PRKCZ: variants seen among roughly 807,000 people sequenced by gnomAD.
The protein encoded by PRKCZ is protein kinase C zeta type.
A neutral mutation model predicts 79.5 loss-of-function variants in PRKCZ; 33 were observed. The observed-to-expected ratio is 0.41, with a 90% confidence interval of 0.31 to 0.55. The LOEUF (loss-of-function observed/expected upper bound fraction) is 0.55, where lower values mean the gene tolerates loss of function less well. Ranked by LOEUF, PRKCZ falls within the 20% of genes least tolerant of loss-of-function variation. The probability of loss-of-function intolerance (pLI) is 0.19; values close to 1 mark genes in which losing one functional copy is unlikely to be tolerated. For synonymous variants in PRKCZ, 342 were observed against 320.9 expected, an observed-to-expected ratio of 1.07 and a Z score of -0.70; for missense variants, 578 against 813.5, an observed-to-expected ratio of 0.71 and a Z score of 3.52.
chr1:2,101,812 G>T (rs1667483655), intron 4 of PRKCZ, among the ~76,000 whole-genome samples: 1 of 152,210 alleles, frequency 6.6e-6, no homozygotes, highest in South Asian at 2.1e-4. Flanking sequence ...AGGCGTAGTG[G>T]ATGCGTGATC....
At chr1:2,056,056 G>A (rs551662977) in intron 2 of PRKCZ, among the ~76,000 whole-genome samples, 1 of 152,346 alleles carries the variant, frequency 6.6e-6, no homozygotes, top group Admixed American at 6.5e-5. Flanking sequence ...CTTGGCCAAG[G>A]ACACGGCCGT....
intron 4 of PRKCZ, among the ~76,000 whole-genome samples, chr1:2,089,216 G>A (rs1025659024): frequency 4.1e-5 from 5 of 122,610 alleles, no homozygotes; most frequent in African/African-American, 8.8e-5. Flanking sequence ...GAGTTCGGCC[G>A]GGCGATGGCA....
intron 16 of PRKCZ, among the ~76,000 whole-genome samples, chr1:2,176,715 CCT>C (rs896980965): frequency 3.3e-5 from 5 of 152,200 alleles, no homozygotes; most frequent in Admixed American, 3.3e-4. Context: ...CTCCCTGGCC[CCT>C]GTGGTCAGTG....
At chr1:2,071,229 CAG>C (rs1174509318) in intron 4 of PRKCZ, 7 of 276,512 alleles carry the variant, frequency 2.5e-5, no homozygotes, top group Non-Finnish European at 4.5e-5. Context: ...TGAGGCTCGA[CAG>C]GGTTTAGAGG....
chr1:2,167,111 A>G (rs758622108), intron 10 of PRKCZ, among the ~76,000 whole-genome samples: 10 of 152,224 alleles, frequency 6.6e-5, no homozygotes, highest in Non-Finnish European at 1.2e-4. Flanking sequence ...TCTGTAGACA[A>G]AAAAACCCCA....
chr1:2,080,880 T>C (rs1663366552), intron 4 of PRKCZ, among the ~76,000 whole-genome samples: 1 of 152,174 alleles, frequency 6.6e-6, no homozygotes, highest in South Asian at 2.1e-4. Flanking sequence ...AGGTGTTTTG[T>C]GGGACAGCCC....
chr1:2,096,722 G>A (rs1262458503), intron 4 of PRKCZ, among the ~76,000 whole-genome samples: 1 of 152,114 alleles, frequency 6.6e-6, no homozygotes, highest in Non-Finnish European at 1.5e-5. Flanking sequence ...TCAGGGTCTG[G>A]GTTGCTCGTT....
chr1:2,085,808 A>T (rs1051691329), intron 4 of PRKCZ, among the ~76,000 whole-genome samples: 1 of 151,858 alleles, frequency 6.6e-6, no homozygotes, highest in African/African-American at 2.4e-5. Flanking sequence ...GGAGGGGCTG[A>T]GGATATGGGG....
chr1:2,089,845 T>A (rs2490556), intron 4 of PRKCZ, among the ~76,000 whole-genome samples: 70,845 of 151,658 alleles, frequency 0.47, 19,493 homozygotes, highest in East Asian at 0.83. Flanking sequence ...TGGGAGGACC[T>A]CTTGAGTGCA....
chr1:2,131,634 T>TA (rs1439534626), intron 4 of PRKCZ, among the ~76,000 whole-genome samples: 1 of 152,168 alleles, frequency 6.6e-6, no homozygotes, highest in African/African-American at 2.4e-5. Context: ...TAAAGCGTGG[T>TA]AATCGATGGA....
intron 4 of PRKCZ, among the ~76,000 whole-genome samples, chr1:2,126,221 G>A (rs1386011065): frequency 6.6e-6 from 1 of 152,190 alleles, no homozygotes; most frequent in Non-Finnish European, 1.5e-5. Context: ...TTTCTTCAGT[G>A]AACAAAGCTC....
intron 4 of PRKCZ, among the ~76,000 whole-genome samples, chr1:2,120,424 C>T (rs1408285068): frequency 1.3e-4 from 19 of 150,890 alleles, no homozygotes; most frequent in Admixed American, 6.0e-4. Context: ...CTCAGCGTCC[C>T]GAGTAGCTGG....
intron 4 of PRKCZ, among the ~76,000 whole-genome samples, chr1:2,106,946 C>T (rs1051534371): frequency 6.6e-6 from 1 of 152,250 alleles, no homozygotes; most frequent in Non-Finnish European, 1.5e-5. Flanking sequence ...CACGTGTCTC[C>T]AGAGGCCAAA....
At chr1:2,074,338 T>A in intron 4 of PRKCZ, 1 of 1,544,612 alleles carries the variant, frequency 6.5e-7, no homozygotes, top group Non-Finnish European at 8.7e-7. Flanking sequence ...GCCGGGGGGC[T>A]TGGGGAAATC....
intron 4 of PRKCZ, chr1:2,073,859 A>T: frequency 9.4e-7 from 1 of 1,063,648 alleles, no homozygotes; most frequent in Non-Finnish European, 1.1e-6. Flanking sequence ...GGGAAGGAAG[A>T]TGCCTCCCTG....
chr1:2,169,856 G>A (rs1358576166), intron 11 of PRKCZ, among the ~76,000 whole-genome samples: 1 of 151,686 alleles, frequency 6.6e-6, no homozygotes, highest in Non-Finnish European at 1.5e-5. Context: ...TCAGCAGGGA[G>A]CTCAAGGGAG....
Position 2,185,046 on chromosome 1 carries a change from A to T in PRKCZ, c.*37A>T. ...TCTCTGTCGTGGACACGCGTGATTG[A>T]CCCTTTAACTGTATCCTTAACCACC... On this transcript the variant is annotated 3_prime_UTR_variant, in exon 18 of 18. Coordinates refer to ENST00000378567, the MANE Select transcript of PRKCZ (RefSeq NM_002744.6). 1.3e-6 allele frequency: 2 copies of T among 1,554,872 alleles called. No homozygotes were observed. Among genetic ancestry groups the T allele is most frequent in the Non-Finnish European group, 1.8e-6 (2 of 1,136,516 alleles).
In PRKCZ at chr1:2,055,460, G is replaced by A. The variant is rs755481329; in HGVS notation, c.91G>A (p.Val31Met). The A allele has an allele frequency of 1.9e-5, 31 of 1,613,520 alleles. No individual in the cohort carries two copies. The highest frequency in any genetic ancestry group is 1.1e-4 in the South Asian group (10 of 91,014). ...CCCCAGGGACATCTTCATCACCAGC[G>A]TGGACGCCGCCACGACCTTCGAGGA... ...HYGGDIFITS[V>M]DAATTFEELC... Residue 31 changes from valine (V) to methionine (M), a missense_variant, in exon 2 of 18, where the codon GTG (valine) becomes ATG (methionine). Coordinates refer to ENST00000378567, the MANE Select transcript of PRKCZ (RefSeq NM_002744.6).
chr1:2,146,161 C>G (rs910787643), intron 7 of PRKCZ, 53 bp downstream of exon 7: 2 of 1,517,432 alleles, frequency 1.3e-6, no homozygotes, highest in African/African-American at 2.7e-5. Context: ...CCTCACCCTG[C>G]TCACCTCTGC....
Sources: allele counts gnomAD v4.1 joint callset (sites outside exome capture counted in the v4.1 genomes callset), GRCh38; gene constraint gnomAD v4.1.1; transcripts MANE v1.5; gene names NCBI Gene and HGNC (gene_info 2026-07-23, HGNC 2026-07-21).